Variants in VEPH1 observed in about 807,000 individuals in gnomAD.
The protein encoded by VEPH1 is ventricular zone-expressed PH domain-containing protein homolog 1.
In VEPH1, 80 loss-of-function variants were observed where a neutral mutation model predicts 85.2. The ratio of observed to expected loss-of-function variants is 0.94; its 90% confidence interval spans 0.78 to 1.13. The LOEUF (loss-of-function observed/expected upper bound fraction) is 1.13. VEPH1 is among the 50% of genes most tolerant of loss of function. The pLI is 0.00. For missense variants in VEPH1, 955 were observed against 980.5 expected, an observed-to-expected ratio of 0.97 and a Z score of 0.35; for synonymous variants, 297 against 348.0, an observed-to-expected ratio of 0.85 and a Z score of 1.63.
At chr3:157,400,265 T>C (rs922239416) in intron 6 of VEPH1, among the ~76,000 whole-genome samples, 5 of 152,156 alleles carry the variant, frequency 3.3e-5, no homozygotes, top group Non-Finnish European at 5.9e-5. Context: ...CTTTGTTTTA[T>C]ATGAATCTTA....
At chr3:157,448,259 G>GA (rs1734700989) in intron 4 of VEPH1, among the ~76,000 whole-genome samples, 2 of 152,124 alleles carry the variant, frequency 1.3e-5, no homozygotes, top group African/African-American at 4.8e-5. Flanking sequence ...AGTAAAAAAG[G>GA]AATTTGGACT....
At chr3:157,364,543 C>T in intron 7 of VEPH1, 31 bp from the exon 8 acceptor site, 2 of 1,589,616 alleles carry the variant, frequency 1.3e-6, no homozygotes, top group Non-Finnish European at 1.7e-6. Context: ...GCATTAGATG[C>T]AGGTCATATA....
intron 2 of VEPH1, among the ~76,000 whole-genome samples, chr3:157,479,995 C>T (rs1262455877): frequency 3.3e-5 from 5 of 151,790 alleles, no homozygotes; most frequent in Non-Finnish European, 2.9e-5. Flanking sequence ...TTCACTTTCT[C>T]TCTTTCTTTC....
intron 3 of VEPH1, among the ~76,000 whole-genome samples, chr3:157,467,678 T>C (rs1415307128): frequency 4.6e-5 from 7 of 152,220 alleles, no homozygotes; most frequent in Non-Finnish European, 1.0e-4. Flanking sequence ...GGCTTTCCAT[T>C]TTAGTGGCTT....
At chr3:157,442,455 A>G in intron 4 of VEPH1, 1 of 1,614,178 alleles carries the variant, frequency 6.2e-7, no homozygotes, top group South Asian at 1.1e-5. Flanking sequence ...TGAGTCTTTT[A>G]GTGCCTGCAT....
chr3:157,277,318 A>T (rs544571367), intron 12 of VEPH1, among the ~76,000 whole-genome samples: 1 of 152,154 alleles, frequency 6.6e-6, no homozygotes, highest in African/African-American at 2.4e-5. Context: ...TGGCCATAGG[A>T]CTTTAGTTTT....
At chr3:157,465,679 A>G (rs1477172450) in intron 3 of VEPH1, among the ~76,000 whole-genome samples, 1 of 152,234 alleles carries the variant, frequency 6.6e-6, no homozygotes, top group Non-Finnish European at 1.5e-5. Context: ...TAGCAAGGGC[A>G]GAGTTTAAAC....
intron 1 of VEPH1, among the ~76,000 whole-genome samples, chr3:157,501,423 T>C (rs1420849052): frequency 6.6e-6 from 1 of 152,206 alleles, no homozygotes; most frequent in Non-Finnish European, 1.5e-5. Context: ...GGCTGGGTAA[T>C]CCAAACACCT....
intron 6 of VEPH1, among the ~76,000 whole-genome samples, chr3:157,408,339 A>G (rs769475769): frequency 1.3e-5 from 2 of 152,124 alleles, no homozygotes; most frequent in South Asian, 4.1e-4. Context: ...GTATAAGCTC[A>G]GAAGTATACA....
chr3:157,459,831 C>T, intron 4 of VEPH1: 1 of 1,511,988 alleles, frequency 6.6e-7, no homozygotes. Context: ...TTTCATACCC[C>T]ACTGAGTGAC....
intron 4 of VEPH1, chr3:157,437,129 A>T: frequency 6.4e-7 from 1 of 1,565,880 alleles, no homozygotes; most frequent in South Asian, 1.1e-5. Flanking sequence ...TCTAAATAAC[A>T]CACATATACT....
At chr3:157,308,593 A>G (rs1374574024) in intron 11 of VEPH1, among the ~76,000 whole-genome samples, 1 of 151,954 alleles carries the variant, frequency 6.6e-6, no homozygotes, top group Non-Finnish European at 1.5e-5. Context: ...AAAATTTTCA[A>G]ACTAGTCTCA....
chr3:157,265,379 A>G, intron 13 of VEPH1, 147 bp downstream of exon 13: 1 of 884,580 alleles, frequency 1.1e-6, no homozygotes, highest in South Asian at 2.0e-5. Context: ...CAGACTAGAC[A>G]CAGAAATGTG....
intron 11 of VEPH1, among the ~76,000 whole-genome samples, chr3:157,291,929 A>G (rs1717516325): frequency 6.6e-6 from 1 of 152,228 alleles, no homozygotes; most frequent in Non-Finnish European, 1.5e-5. Flanking sequence ...TGTTAAAAAA[A>G]TCTATCTCTC....
At chr3:157,431,291 T>C (rs2109136981) in intron 4 of VEPH1, among the ~76,000 whole-genome samples, 1 of 152,206 alleles carries the variant, frequency 6.6e-6, no homozygotes, top group Non-Finnish European at 1.5e-5. Flanking sequence ...ACCTCTTTTC[T>C]CCATAAATTA....
At chr3:157,495,851 T>A (rs578134375) in intron 1 of VEPH1, among the ~76,000 whole-genome samples, 1 of 152,264 alleles carries the variant, frequency 6.6e-6, no homozygotes, top group East Asian at 1.9e-4. Flanking sequence ...AAGATTCTCA[T>A]GGGAATCAAA....
In VEPH1 at chr3:157,415,479, G is replaced by C. The variant is rs10460862; in HGVS notation, c.697-1389C>G. ...AAGGCCTCTCTCAGCGGGACATGGA[G>C]CTGAGATCACTGACCCAGGCATCCC... On this transcript the variant is annotated intron_variant, in intron 5 of 13. Coordinates refer to ENST00000362010, the MANE Select transcript of VEPH1 (RefSeq NM_001167912.2). 2.5e-3 allele frequency among the ~76,000 whole-genome samples: 378 copies of C among 152,274 alleles called. 8 individuals are homozygous for C. In the East Asian group the frequency reaches 0.044, roughly 18 times the overall value.
At chr3:157,359,590 T>C (rs911607098) in intron 9 of VEPH1, among the ~76,000 whole-genome samples, 5 of 152,224 alleles carry the variant, frequency 3.3e-5, no homozygotes, top group African/African-American at 9.6e-5. Flanking sequence ...GATCTATTTA[T>C]ACTCTATTGC....
intron 9 of VEPH1, among the ~76,000 whole-genome samples, chr3:157,346,069 C>A (rs946803275): frequency 6.6e-6 from 1 of 151,968 alleles, no homozygotes; most frequent in East Asian, 1.9e-4. Context: ...AGGAGATATA[C>A]CTAATGTAAA....
Sources: gnomAD v4.1 joint callset for allele counts (sites outside exome capture counted in the v4.1 genomes callset) on GRCh38, gnomAD v4.1.1 for gene constraint, MANE v1.5 for transcripts, NCBI Gene and HGNC (gene_info 2026-07-23, HGNC 2026-07-21) for gene names.